Variants in RACGAP1 observed in about 807,000 individuals in gnomAD.
RACGAP1 encodes Rac GTPase activating protein 1.
RACGAP1 carries 30 observed loss-of-function variants against 78.1 expected under a neutral mutation model. The observed-to-expected ratio is 0.38, with a 90% CI of 0.29 to 0.52. The LOEUF (loss-of-function observed/expected upper bound fraction) is 0.52, where lower values mean the gene tolerates loss of function less well. Ranked by LOEUF, RACGAP1 falls within the 20% of genes least tolerant of loss-of-function variation. The pLI is 0.82. For missense variants in RACGAP1, 587 were observed against 777.1 expected (o/e 0.76, Z 2.91); for synonymous variants, 231 against 264.8 (o/e 0.87, Z 1.24).
intron 1 of RACGAP1, chr12:50,017,192 G>A (rs1949728074): frequency 5.0e-6 from 3 of 594,154 alleles, no homozygotes; most frequent in South Asian, 1.5e-4. Context: ...GCAGGACATG[G>A]TCAGCACATT....
chr12:50,000,303 G>T (rs540138374), intron 7 of RACGAP1, among the ~76,000 whole-genome samples: 1 of 151,420 alleles, frequency 6.6e-6, no homozygotes, highest in African/African-American at 2.4e-5. Context: ...GTGAGCCACC[G>T]CGCCTGGCCG....
chr12:50,029,921 T>C (rs892538773), upstream of RACGAP1, among the ~76,000 whole-genome samples: 1 of 151,984 alleles, frequency 6.6e-6, no homozygotes, highest in Non-Finnish European at 1.5e-5. Context: ...AAAATTAAAA[T>C]GCAATTCTAC....
At chr12:50,011,667 C>T (rs1037413255) in intron 2 of RACGAP1, among the ~76,000 whole-genome samples, 8 of 151,638 alleles carry the variant, frequency 5.3e-5, no homozygotes, top group Admixed American at 3.3e-4. Flanking sequence ...AAAAATTAGC[C>T]GGTGTGGGCC....
At chr12:50,002,616 A>T (rs902135143) in intron 5 of RACGAP1, 12 of 240,120 alleles carry the variant, frequency 5.0e-5, no homozygotes, top group Middle Eastern at 1.4e-3. Flanking sequence ...TTTTGTAATT[A>T]GTTTTAGAAC....
intron 4 of RACGAP1, 145 bp from the exon 5 acceptor site, chr12:50,004,449 A>T: frequency 7.5e-7 from 1 of 1,338,306 alleles, no homozygotes; most frequent in Non-Finnish European, 9.8e-7. Flanking sequence ...ACAATCTCAA[A>T]CCCTGTGGTA....
intron 2 of RACGAP1, among the ~76,000 whole-genome samples, chr12:50,011,629 T>C (rs11835873): frequency 0.073 from 11,010 of 151,798 alleles, 1,340 homozygotes; most frequent in African/African-American, 0.25. Flanking sequence ...ATAATAAAAA[T>C]TCAAAATAAA....
chr12:50,019,736 G>A (rs1555178754), intron 1 of RACGAP1: 2 of 46,006 alleles, frequency 4.3e-5, no homozygotes, highest in South Asian at 7.4e-4. Context: ...AAAGGTCCTG[G>A]GACAAACCTT....
chr12:50,008,655 G>C (rs1481175855), intron 2 of RACGAP1, among the ~76,000 whole-genome samples: 1 of 151,646 alleles, frequency 6.6e-6, no homozygotes, highest in Non-Finnish European at 1.5e-5. Flanking sequence ...ATCACACCTG[G>C]CTAATTTTTG....
intron 2 of RACGAP1, among the ~76,000 whole-genome samples, chr12:50,016,310 G>A (rs985979699): frequency 3.3e-5 from 5 of 151,866 alleles, no homozygotes; most frequent in Non-Finnish European, 5.9e-5. Flanking sequence ...TGAACCCGGG[G>A]AGCAGAGGTT....
intron 4 of RACGAP1, 151 bp downstream of exon 4, chr12:50,005,105 C>T: frequency 1.0e-6 from 1 of 1,000,966 alleles, no homozygotes; most frequent in South Asian, 1.7e-5. Flanking sequence ...CATCCCTGTG[C>T]CTTTATTCCC....
chr12:50,027,743 T>C (rs888370346), upstream of RACGAP1, among the ~76,000 whole-genome samples: 2 of 152,128 alleles, frequency 1.3e-5, no homozygotes, highest in African/African-American at 4.8e-5. Context: ...AGAGAATCGC[T>C]TGAACCCGGG....
At chr12:50,004,138 G>C in intron 5 of RACGAP1, 97 bp downstream of exon 5, 1 of 1,434,908 alleles carries the variant, frequency 7.0e-7, no homozygotes, top group South Asian at 1.5e-5. Flanking sequence ...TAATAAAATA[G>C]TAATATAGGA....
At chr12:50,007,938 A>G (rs1042352535) in intron 2 of RACGAP1, among the ~76,000 whole-genome samples, 1 of 151,072 alleles carries the variant, frequency 6.6e-6, no homozygotes, top group African/African-American at 2.4e-5. Context: ...AAAAACATAT[A>G]TGTTTGCAAA....
intron 1 of RACGAP1, among the ~76,000 whole-genome samples, chr12:50,019,034 C>T (rs1374865898): frequency 6.6e-6 from 1 of 152,116 alleles, no homozygotes; most frequent in African/African-American, 2.4e-5. Flanking sequence ...CTATCCCATA[C>T]CCTACTGACT....
In RACGAP1 at chr12:49,992,233, G is replaced by A. The variant is rs12319426; in HGVS notation, c.1578+12C>T. The A allele has an allele frequency of 6.2e-4, 998 of 1,613,820 alleles. 2 individuals carry two copies. The African/African-American group carries it at 0.012, about 20-fold the overall frequency. Reference sequence around the variant, plus strand: ...CACAAGTTCACATACACACACACACGCACCTGCCTACCTTGGGTTGACGCT... The same window carrying A: ...CACAAGTTCACATACACACACACACACACCTGCCTACCTTGGGTTGACGCT... On this transcript the variant is annotated intron_variant, in intron 14 of 16. Coordinates refer to ENST00000312377, the MANE Select transcript of RACGAP1 (RefSeq NM_001319999.2).
Position 50,025,471 on chromosome 12 carries a change from C to G in RACGAP1, c.-78G>C. 1 of 985,690 alleles carries G rather than the reference C, an allele frequency of 1.0e-6. No individual in the cohort carries two copies. The allele number at this position is 985,690 out of a possible 1,614,324, so 61.1% of individuals were successfully genotyped here. A position where few individuals can be genotyped will look rare whatever the true frequency, so the allele number is the denominator to read the frequency against. ...CTCACCCAACGGCAGAGCAGCGCCG[C>G]GCCCACAGCTCCGGTTTGAAAACCT... On this transcript the variant is annotated 5_prime_UTR_variant, in exon 1 of 17. Coordinates refer to ENST00000312377, the MANE Select transcript of RACGAP1 (RefSeq NM_001319999.2).
intron 2 of RACGAP1, among the ~76,000 whole-genome samples, chr12:50,014,098 C>CA (rs1183109794): frequency 3.3e-5 from 5 of 151,456 alleles, no homozygotes; most frequent in Admixed American, 6.6e-5. Flanking sequence ...TCAATCAATT[C>CA]AAAAAAAATA....
chr12:50,013,755 C>A (rs1465188939), intron 2 of RACGAP1, among the ~76,000 whole-genome samples: 1 of 152,222 alleles, frequency 6.6e-6, no homozygotes, highest in Non-Finnish European at 1.5e-5. Flanking sequence ...TGGGATTCTA[C>A]CCTACAGCTA....
At position 49,997,187 on chromosome 12, in the gene RACGAP1, G is replaced by C. The variant is rs1306524957; in HGVS notation, c.897C>G (p.Ser299=). 2 of 1,596,038 alleles carry C rather than the reference G, an allele frequency of 1.3e-6. No homozygotes were observed. The highest frequency in any genetic ancestry group is 2.3e-5 in the East Asian group (1 of 44,218). Residue 299 remains serine, a synonymous_variant, in exon 10 of 17, where the codon TCC becomes TCG. Transcript: ENST00000312377. The part of the protein sequence containing the change: ...FVSKTVIKPE[S]CVPCGKRIKF... ...TTATCCGCTTTCCACATGGAACACA[G>C]GATTCAGGTTTAATAACCTGGGATA...
Sources: allele counts gnomAD v4.1 joint callset (sites outside exome capture counted in the v4.1 genomes callset), GRCh38; gene constraint gnomAD v4.1.1; transcripts MANE v1.5; gene names NCBI Gene and HGNC (gene_info 2026-07-23, HGNC 2026-07-21).